The following OR2L5 variants were observed in gnomAD, a reference collection of about 807,000 sequenced individuals.
OR2L5 encodes olfactory receptor family 2 subfamily L member 5.
For synonymous variants in OR2L5, 169 were observed against 142.0 expected, an observed-to-expected ratio of 1.19 and a Z score of -1.35; for missense variants, 413 against 381.6, an observed-to-expected ratio of 1.08 and a Z score of -0.69.
In OR2L5 at chr1:248,022,380, A is replaced by G. The variant is rs993948885; in HGVS notation, c.433A>G (p.Thr145Ala). Residue 145 changes from threonine to alanine, a missense_variant, in exon 2 of 2, where the codon ACA (threonine) becomes GCA (alanine). Transcript: ENST00000355281. Reference protein sequence around the residue: ...MSKRMYVLMITGSWMIGSINS... With the variant: ...MSKRMYVLMIAGSWMIGSINS... ...CAAAAGAATGTATGTGCTGATGATA[A>G]CAGGATCTTGGATGATAGGCTCCAT... 5 of 1,614,068 alleles carry G rather than the reference A, an allele frequency of 3.1e-6. No individual in the cohort carries two copies. In the African/African-American group the frequency reaches 5.3e-5, roughly 17 times the overall value.
At chr1:248,018,032 G>T (rs1293618987) in intron 1 of OR2L5, among the ~76,000 whole-genome samples, 1 of 151,986 alleles carries the variant, frequency 6.6e-6, no homozygotes, top group East Asian at 1.9e-4. Context: ...GTGGGCCCCT[G>T]TAATCCCAGC....
intron 1 of OR2L5, among the ~76,000 whole-genome samples, chr1:248,015,484 G>A (rs138071013): frequency 6.6e-6 from 1 of 152,270 alleles, no homozygotes; most frequent in East Asian, 1.9e-4. Flanking sequence ...AGGAATTCAG[G>A]CTGACTTACG....
Position 248,022,624 on chromosome 1 carries a change from G to A in OR2L5, c.677G>A (p.Arg226His), listed in dbSNP as rs780535850. 8.7e-5 allele frequency: 140 copies of A among 1,613,914 alleles called. No individual in the cohort carries two copies. Among genetic ancestry groups the A allele is most frequent in the Admixed American group, 2.3e-4 (14 of 59,966 alleles). The part of the protein sequence containing the change: ...SYGWVLLAVY[R>H]MHSAEGRKKA... Reference sequence around the variant, plus strand: ...GGCTGGGTTCTCCTTGCTGTCTACCGCATGCACTCTGCAGAAGGGAGGAAA... The same window carrying A: ...GGCTGGGTTCTCCTTGCTGTCTACCACATGCACTCTGCAGAAGGGAGGAAA... The change falls in exon 2 of 2, where the codon CGC becomes CAC. Residue 226 changes from arginine (R) to histidine (H), a missense_variant. Physicochemically the swap from Arg to His is conservative, Grantham distance 29. Coordinates refer to ENST00000355281, the MANE Select transcript of OR2L5 (RefSeq NM_001258284.2).
intron 1 of OR2L5, among the ~76,000 whole-genome samples, chr1:248,014,441 G>A (rs1280817445): frequency 1.3e-5 from 2 of 152,090 alleles, no homozygotes; most frequent in South Asian, 2.1e-4. Context: ...GTGACAAATT[G>A]TAGTGCTTTG....
Position 248,023,021 on chromosome 1 carries a change from C to T in OR2L5, c.*135C>T. ...CAGAATGTTTGTCTTTTAATTTAGT[C>T]TTGACATTATAGTTGCATATTCTAA... On this transcript the variant is annotated 3_prime_UTR_variant, in exon 2 of 2. Transcript: ENST00000355281. 4.8e-6 allele frequency: 4 copies of T among 834,552 alleles called. No homozygotes were observed. Among genetic ancestry groups the T allele is most frequent in the Non-Finnish European group, 7.3e-6 (4 of 550,358 alleles). The allele number at this position is 834,552 out of a possible 1,614,324, so 51.7% of individuals were successfully genotyped here. A position where few individuals can be genotyped will look rare whatever the true frequency, so the allele number is the denominator to read the frequency against.
At position 248,020,035 on chromosome 1, in the gene OR2L5, A is replaced by T. The variant is rs535355217; in HGVS notation, c.-21-1892A>T. On this transcript the variant is annotated intron_variant, in intron 1 of 1. Transcript: ENST00000355281. ...TGAGCTCAAGCAGTCTGCCTGCCTCAGGCTCCCAGAGTGCTGGGATTACAG... is the reference window on the plus strand; with the variant it reads ...TGAGCTCAAGCAGTCTGCCTGCCTCTGGCTCCCAGAGTGCTGGGATTACAG... Among the ~76,000 whole-genome samples the T allele has an allele frequency of 4.6e-5, 7 of 152,266 alleles. No individual in the cohort carries two copies. The South Asian group carries it at 1.5e-3, about 32-fold the overall frequency.
intron 1 of OR2L5, among the ~76,000 whole-genome samples, chr1:248,015,280 CTA>C (rs1491263610): frequency 6.6e-6 from 1 of 152,114 alleles, no homozygotes; most frequent in Non-Finnish European, 1.5e-5. Context: ...TTAGGAGAAT[CTA>C]TTGTGGAGGA....
chr1:248,015,046 G>C (rs904157971), intron 1 of OR2L5, among the ~76,000 whole-genome samples: 3 of 152,162 alleles, frequency 2.0e-5, no homozygotes, highest in Non-Finnish European at 4.4e-5. Flanking sequence ...ATCTATGAGA[G>C]CTGATGCACT....
chr1:248,022,893 G>C lies in OR2L5; in HGVS notation c.*7G>C. On this transcript the variant is annotated 3_prime_UTR_variant, in exon 2 of 2. Transcript: ENST00000355281. Reference sequence around the variant, plus strand: ...CTTCTCGGTGAAAATGTAGACATACGTTCTGTGTTAGAGTCAAAGCGCTAG... The same window carrying C: ...CTTCTCGGTGAAAATGTAGACATACCTTCTGTGTTAGAGTCAAAGCGCTAG... 6.3e-7 allele frequency: 1 copy of C among 1,595,490 alleles called. No individual in the cohort carries two copies. The highest frequency in any genetic ancestry group is 8.5e-7 in the Non-Finnish European group (1 of 1,171,426).
chr1:248,023,001 T>C lies in OR2L5; in HGVS notation c.*115T>C. The C allele has an allele frequency of 1.0e-6, 1 of 984,932 alleles. No individual in the cohort carries two copies. The highest frequency in any genetic ancestry group is 2.0e-5 in the South Asian group (1 of 49,540). The allele number at this position is 984,932 out of a possible 1,614,324, so 61.0% of individuals were successfully genotyped here. A position where few individuals can be genotyped will look rare whatever the true frequency, so the allele number is the denominator to read the frequency against. On this transcript the variant is annotated 3_prime_UTR_variant, in exon 2 of 2. Coordinates refer to ENST00000355281, the MANE Select transcript of OR2L5 (RefSeq NM_001258284.2). The stretch of plus-strand genomic sequence containing the variant: ...ATGTCAAACAGAGATTAATCCAGAA[T>C]GTTTGTCTTTTAATTTAGTCTTGAC...
chr1:248,022,261 C>G lies in OR2L5; in HGVS notation c.314C>G (p.Thr105Ser). 1 of 1,614,162 alleles carries G rather than the reference C, an allele frequency of 6.2e-7. No individual in the cohort carries two copies. The highest frequency in any genetic ancestry group is 8.5e-7 in the Non-Finnish European group (1 of 1,180,024). ...GGGATTCAGAGTTTCTTCTTCATGA[C>G]TTTTGCAGGTGCAGAAGCGCTGCTC... Reference protein sequence around the residue: ...GCGIQSFFFMTFAGAEALLLT... With the variant: ...GCGIQSFFFMSFAGAEALLLT... Residue 105 changes from threonine to serine, a missense_variant, in exon 2 of 2, where the codon ACT (threonine) becomes AGT (serine). Physicochemically the swap from Thr to Ser is moderately conservative, Grantham distance 58. Transcript: ENST00000355281.
chr1:248,014,177 G>A (rs776343816), intron 1 of OR2L5, among the ~76,000 whole-genome samples: 2 of 151,950 alleles, frequency 1.3e-5, no homozygotes, highest in African/African-American at 2.4e-5. Context: ...TCTTATTGCT[G>A]TTTCTTACTT....
intron 1 of OR2L5, among the ~76,000 whole-genome samples, chr1:248,019,976 C>A (rs1015072195): frequency 6.6e-6 from 1 of 152,060 alleles, no homozygotes; most frequent in African/African-American, 2.4e-5. Flanking sequence ...TTTGTAGAAA[C>A]AGGATTTTTC....
Position 248,021,937 on chromosome 1 carries a change from A to G in OR2L5, c.-11A>G, listed in dbSNP as rs969755089. 2 of 1,603,746 alleles carry G rather than the reference A, an allele frequency of 1.2e-6. No individual in the cohort carries two copies. The highest frequency in any genetic ancestry group is 1.3e-5 in the African/African-American group (1 of 74,688). ...TGTGTCTCCCTTCAGGAAGGATCGT[A>G]TGAATGCCCCATGGAAAATTACAAT... is the stretch of plus-strand genomic sequence containing the variant. On this transcript the variant is annotated 5_prime_UTR_variant, in exon 2 of 2. The change abolishes an upstream ATG in the 5' untranslated region. Coordinates refer to ENST00000355281, the MANE Select transcript of OR2L5 (RefSeq NM_001258284.2).
rs775403577 is a variant in OR2L5 at position 248,022,049 on chromosome 1, CCTAATGGCT to C, written c.108_116del (p.Met36_Leu38del). 2.4e-5 allele frequency: 38 copies of C among 1,613,916 alleles called. No homozygotes were observed. Among genetic ancestry groups the C allele is most frequent in the Middle Eastern group, 3.3e-4 (2 of 6,056 alleles). ...TCTTCATTCTCTTTGTTCTCATTTT[CCTAATGGCT>C]CTAATTGGAAACCTATCCATGATTC... On this transcript the variant is annotated inframe_deletion, in exon 2 of 2. Coordinates refer to ENST00000355281, the MANE Select transcript of OR2L5 (RefSeq NM_001258284.2).
intron 1 of OR2L5, among the ~76,000 whole-genome samples, chr1:248,014,858 A>G (rs1163385823): frequency 6.6e-6 from 1 of 152,152 alleles, no homozygotes; most frequent in Non-Finnish European, 1.5e-5. Context: ...TAGTAATTGT[A>G]AGAGCTAGGA....
At chr1:248,021,502 A>C (rs1662334071) in intron 1 of OR2L5, among the ~76,000 whole-genome samples, 1 of 152,216 alleles carries the variant, frequency 6.6e-6, no homozygotes, top group African/African-American at 2.4e-5. Context: ...AACACTTCAT[A>C]AATTATCAGT....
intron 1 of OR2L5, among the ~76,000 whole-genome samples, chr1:248,014,898 C>T (rs1662153715): frequency 6.6e-6 from 1 of 152,136 alleles, no homozygotes; most frequent in Admixed American, 6.6e-5. Context: ...GAGTCTCTTT[C>T]CCATGAACTT....
chr1:248,016,039 A>G (rs1348670163), intron 1 of OR2L5, among the ~76,000 whole-genome samples: 1 of 152,208 alleles, frequency 6.6e-6, no homozygotes, highest in Non-Finnish European at 1.5e-5. Flanking sequence ...CCTGTGATTC[A>G]GCTATTCTTC....
Sources: gnomAD v4.1 joint callset for allele counts (sites outside exome capture counted in the v4.1 genomes callset) on GRCh38, gnomAD v4.1.1 for gene constraint, MANE v1.5 for transcripts, NCBI Gene and HGNC (gene_info 2026-07-23, HGNC 2026-07-21) for gene names.